RERE: variants seen among roughly 807,000 people sequenced by gnomAD.
RERE encodes the protein arginine-glutamic acid dipeptide repeats.
Under a neutral mutation model 146.1 loss-of-function variants are expected in RERE, and 40 were observed. The observed-to-expected ratio is 0.27, with a 90% confidence interval of 0.21 to 0.36. RERE has a LOEUF of 0.36. RERE is among the 10% of genes least tolerant of loss of function. The probability of loss-of-function intolerance (pLI) is 1.00; values close to 1 mark genes in which losing one functional copy is unlikely to be tolerated. For synonymous variants in RERE, 1,003 were observed against 866.0 expected (o/e 1.16, Z -2.78); for missense variants, 1,933 against 2,138.7 (o/e 0.90, Z 1.90).
At chr1:8,559,278 CTCAAAAAAA>C (rs1646044393) in intron 4 of RERE, among the ~76,000 whole-genome samples, 1 of 5,334 alleles carries the variant, frequency 1.9e-4, no homozygotes. Flanking sequence ...AAAACTCCAG[CTCAAAAAAA>C]AAAAAAAAAA....
At chr1:8,779,792 T>C (rs1557538346) in intron 1 of RERE, among the ~76,000 whole-genome samples, 1 of 152,158 alleles carries the variant, frequency 6.6e-6, no homozygotes, top group Non-Finnish European at 1.5e-5. Flanking sequence ...ATCCATAGTG[T>C]TACAGCAGTA....
intron 11 of RERE, among the ~76,000 whole-genome samples, chr1:8,451,494 C>T (rs924687277): frequency 3.9e-5 from 6 of 152,124 alleles, no homozygotes; most frequent in African/African-American, 1.4e-4. Flanking sequence ...TTTTCTAGCC[C>T]AATCTTCCAC....
intron 10 of RERE, among the ~76,000 whole-genome samples, chr1:8,487,848 T>C (rs544421965): frequency 3.3e-5 from 5 of 152,280 alleles, no homozygotes; most frequent in African/African-American, 1.2e-4. Flanking sequence ...ATTTAGAAAT[T>C]AAAATTTTAG....
At chr1:8,640,309 A>C (rs1217370210) in intron 2 of RERE, among the ~76,000 whole-genome samples, 1 of 152,174 alleles carries the variant, frequency 6.6e-6, no homozygotes, top group African/African-American at 2.4e-5. Context: ...TCTATTGATC[A>C]GTCTACAGTG....
chr1:8,529,287 C>CTTCTTTTTTTTTTTTTTTTTTT (rs1382281413), intron 7 of RERE, among the ~76,000 whole-genome samples: 1 of 102,446 alleles, frequency 9.8e-6, no homozygotes, highest in African/African-American at 3.8e-5. Context: ...GTTCTCCCTT[C>CTTCTTTTTTTTTTTTTTTTTTT]TTTTTTTTTT....
chr1:8,788,083 G>A (rs1489447145), intron 1 of RERE, among the ~76,000 whole-genome samples: 1 of 151,954 alleles, frequency 6.6e-6, no homozygotes, highest in Non-Finnish European at 1.5e-5. Flanking sequence ...GGGTGACAGA[G>A]TAAGACCCTG....
intron 4 of RERE, among the ~76,000 whole-genome samples, chr1:8,559,141 A>G (rs1646041859): frequency 6.7e-6 from 1 of 149,316 alleles, no homozygotes; most frequent in South Asian, 2.2e-4. Context: ...TTAGCCGGGT[A>G]TGGTGGGGCA....
chr1:8,724,633 T>C (rs1314011726), intron 1 of RERE, among the ~76,000 whole-genome samples: 1 of 151,780 alleles, frequency 6.6e-6, no homozygotes, highest in Non-Finnish European at 1.5e-5. Flanking sequence ...GATCACGAGC[T>C]CAGGAGTTCA....
intron 12 of RERE, among the ~76,000 whole-genome samples, chr1:8,390,732 C>T (rs1260432799): frequency 6.6e-6 from 1 of 152,134 alleles, no homozygotes; most frequent in Admixed American, 6.5e-5. Flanking sequence ...AACAAACATA[C>T]ATCTCAAAAC....
At chr1:8,469,189 A>AT (rs1223423819) in intron 10 of RERE, among the ~76,000 whole-genome samples, 1 of 152,232 alleles carries the variant, frequency 6.6e-6, no homozygotes, top group Non-Finnish European at 1.5e-5. Context: ...AGCTTTCCAG[A>AT]TTACAGAGTA....
chr1:8,793,675 A>G (rs546737643), intron 1 of RERE, among the ~76,000 whole-genome samples: 1 of 152,328 alleles, frequency 6.6e-6, no homozygotes, highest in Admixed American at 6.5e-5. Context: ...CTGAGTCAGG[A>G]CCGTTCAGAG....
chr1:8,386,826 C>G (rs536766121), intron 12 of RERE, among the ~76,000 whole-genome samples: 12 of 152,112 alleles, frequency 7.9e-5, no homozygotes, highest in Admixed American at 5.9e-4. Flanking sequence ...AGGGGAAAAG[C>G]TGCAACTTTG....
chr1:8,512,013 T>A (rs1247335362), intron 7 of RERE: 3 of 108,276 alleles, frequency 2.8e-5, no homozygotes, highest in Admixed American at 2.1e-4. Flanking sequence ...TAGGAAACAC[T>A]CTTTTTTTTT....
chr1:8,780,066 C>A (rs185502099), intron 1 of RERE, among the ~76,000 whole-genome samples: 12 of 152,126 alleles, frequency 7.9e-5, no homozygotes, highest in Admixed American at 7.9e-4. Flanking sequence ...GTGTTGTGCA[C>A]CTGTAATCCC....
intron 1 of RERE, among the ~76,000 whole-genome samples, chr1:8,679,572 G>GA (rs1638918096): frequency 6.6e-6 from 1 of 152,118 alleles, no homozygotes; most frequent in Non-Finnish European, 1.5e-5. Flanking sequence ...TGGCAGACAG[G>GA]CTATATGTAA....
chr1:8,502,460 T>A (rs1281816934), intron 8 of RERE, among the ~76,000 whole-genome samples: 3 of 112,170 alleles, frequency 2.7e-5, no homozygotes, highest in South Asian at 3.0e-4. Flanking sequence ...TCCGGGAGGG[T>A]GGTGGGGGGG....
chr1:8,788,286 A>G (rs1054990311), intron 1 of RERE, among the ~76,000 whole-genome samples: 1 of 152,210 alleles, frequency 6.6e-6, no homozygotes, highest in African/African-American at 2.4e-5. Flanking sequence ...ATAACATCAT[A>G]ACGTTATAAT....
rs537207746 is a variant in RERE, at chr1:8,686,982, G to A, written c.-144-30541C>T. Among the ~76,000 whole-genome samples, 12 of 152,264 alleles carry A rather than the reference G, an allele frequency of 7.9e-5. No individual in the cohort carries two copies. In the East Asian group the frequency reaches 9.6e-4, roughly 12 times the overall value. On this transcript the variant is annotated intron_variant, in intron 1 of 22. Coordinates refer to ENST00000400908, the MANE Select transcript of RERE (RefSeq NM_001042681.2). The stretch of plus-strand genomic sequence containing the variant: ...AGGGCAGTTTCCCTGGAGCAACAAC[G>A]GATGGATTTAAGAGGAAAGGAGAAC...
chr1:8,504,747 G>A (rs1645228428), intron 8 of RERE, among the ~76,000 whole-genome samples: 2 of 152,154 alleles, frequency 1.3e-5, no homozygotes, highest in Non-Finnish European at 2.9e-5. Flanking sequence ...CAGCTACTCA[G>A]GAGGCTGAGG....
Sources: allele counts gnomAD v4.1 joint callset (sites outside exome capture counted in the v4.1 genomes callset), GRCh38; gene constraint gnomAD v4.1.1; transcripts MANE v1.5; gene names NCBI Gene and HGNC (gene_info 2026-07-23, HGNC 2026-07-21).